Variants in PCDHGB1 observed in about 807,000 individuals in gnomAD.
PCDHGB1 encodes protocadherin gamma-B1.
PCDHGB1 carries 34 observed loss-of-function variants against 56.6 expected under a neutral mutation model. That is an observed-to-expected ratio of 0.60 (90% CI 0.46 to 0.80). PCDHGB1 has a LOEUF of 0.80. Ranked by LOEUF, PCDHGB1 falls within the 30% of genes least tolerant of loss-of-function variation. The probability of loss-of-function intolerance (pLI) is 0.00; values close to 1 mark genes in which losing one functional copy is unlikely to be tolerated. For synonymous variants in PCDHGB1, 561 were observed against 505.9 expected (o/e 1.11, Z -1.46); for missense variants, 1,278 against 1,204.6 (o/e 1.06, Z -0.90).
intron 1 of PCDHGB1, chr5:141,441,697 C>T: frequency 6.5e-6 from 2 of 307,306 alleles, no homozygotes; most frequent in Non-Finnish European, 1.3e-5. Flanking sequence ...CAGCCGCGAG[C>T]CTTCAAGCTC....
At chr5:141,408,889 A>T in intron 1 of PCDHGB1, 3 of 1,613,232 alleles carry the variant, frequency 1.9e-6, no homozygotes, top group Non-Finnish European at 2.5e-6. Flanking sequence ...CTCACATAGA[A>T]ATTTCTGTCA....
At chr5:141,380,936 C>G (rs905887369) in intron 1 of PCDHGB1, among the ~76,000 whole-genome samples, 1 of 152,194 alleles carries the variant, frequency 6.6e-6, no homozygotes, top group African/African-American at 2.4e-5. Flanking sequence ...ATACACTTTG[C>G]TTGCCTCAAC....
chr5:141,355,035 T>C, intron 1 of PCDHGB1: 1 of 1,012,274 alleles, frequency 9.9e-7, no homozygotes, highest in Non-Finnish European at 1.4e-6. Flanking sequence ...TCACAAGATT[T>C]CTGCAGCACA....
rs1403163275 is a variant in PCDHGB1 at position 141,441,708 on chromosome 5, A to T, written c.2410-53099A>T. ...AGAGCAGCCGCGAGCCTTCAAGCTC[A>T]CGCTGCAGGCCCGCGACCAGGACTA... On this transcript the variant is annotated intron_variant, in intron 1 of 3. Coordinates refer to ENST00000523390, the MANE Select transcript of PCDHGB1 (RefSeq NM_018922.3). 2.8e-5 allele frequency: 9 copies of T among 319,492 alleles called. No homozygotes were observed. In the East Asian group the frequency reaches 1.0e-3, roughly 37 times the overall value. 19.8% of individuals were successfully genotyped at this position (319,492 alleles called of 1,614,324 possible).
chr5:141,409,087 T>C (rs753624565), intron 1 of PCDHGB1: 1 of 1,613,990 alleles, frequency 6.2e-7, no homozygotes, highest in Admixed American at 1.7e-5. Flanking sequence ...TCTCATTGGA[T>C]GAGAAAACAG....
chr5:141,410,849 C>G, intron 1 of PCDHGB1: 1 of 136,716 alleles, frequency 7.3e-6, no homozygotes, highest in Non-Finnish European at 1.2e-5. Flanking sequence ...TTGTCTTTGT[C>G]TTTTTTTTTT....
chr5:141,422,928 C>T lies in PCDHGB1; in HGVS notation c.2409+70259C>T, dbSNP rs781145334. 4 of 1,614,128 alleles carry T rather than the reference C, an allele frequency of 2.5e-6. No individual in the cohort carries two copies. In the African/African-American group the frequency reaches 4.0e-5, roughly 16 times the overall value. On this transcript the variant is annotated intron_variant, in intron 1 of 3. Transcript: ENST00000523390. ...ATGCGCCCGAGATCCTGTACCCTGC[C>T]CTCCCCACAGACGGCTCCACTGGCG...
At chr5:141,418,800 G>A in intron 1 of PCDHGB1, 1 of 1,613,800 alleles carries the variant, frequency 6.2e-7, no homozygotes, top group African/African-American at 1.3e-5. Context: ...GAAGTAGAAA[G>A]ATATACGATA....
chr5:141,428,056 C>T (rs2097104330), intron 1 of PCDHGB1: 3 of 1,609,000 alleles, frequency 1.9e-6, no homozygotes, highest in African/African-American at 1.3e-5. Flanking sequence ...AAGGTGGTGG[C>T]GGTGGACGCA....
At position 141,410,285 on chromosome 5, in the gene PCDHGB1, G is replaced by T. The variant is rs746596172; in HGVS notation, c.2409+57616G>T. 7 of 1,614,010 alleles carry T rather than the reference G, an allele frequency of 4.3e-6. No homozygotes were observed. The Admixed American group carries it at 1.2e-4, about 27-fold the overall frequency. ...TGAACTGCAGTTTTACCTGGTGGTGGCCTTGGCCTTAATCTCAGTGCTCTT... is the reference window on the plus strand; with the variant it reads ...TGAACTGCAGTTTTACCTGGTGGTGTCCTTGGCCTTAATCTCAGTGCTCTT... On this transcript the variant is annotated intron_variant, in intron 1 of 3. Coordinates refer to ENST00000523390, the MANE Select transcript of PCDHGB1 (RefSeq NM_018922.3).
intron 1 of PCDHGB1, chr5:141,404,042 A>G: frequency 3.1e-6 from 5 of 1,613,892 alleles, no homozygotes; most frequent in Non-Finnish European, 4.2e-6. Context: ...ACCTCAGGGA[A>G]CAGTAATTCT....
At chr5:141,369,758 C>T (rs1027847213) in intron 1 of PCDHGB1, among the ~76,000 whole-genome samples, 1 of 152,184 alleles carries the variant, frequency 6.6e-6, no homozygotes, top group African/African-American at 2.4e-5. Context: ...TAAGAATACA[C>T]GTGAAGCTGA....
At chr5:141,506,863 G>A (rs1162975959) in intron 3 of PCDHGB1, among the ~76,000 whole-genome samples, 1 of 152,120 alleles carries the variant, frequency 6.6e-6, no homozygotes, top group Non-Finnish European at 1.5e-5. Context: ...GAGGACTGGT[G>A]GGTAGAGAAC....
At chr5:141,384,941 C>G in intron 1 of PCDHGB1, 1 of 1,614,104 alleles carries the variant, frequency 6.2e-7, no homozygotes, top group Non-Finnish European at 8.5e-7. Context: ...CTTGAGCCCT[C>G]CGACGGTCCT....
At chr5:141,464,580 G>A (rs1459502164) in intron 1 of PCDHGB1, among the ~76,000 whole-genome samples, 1 of 152,118 alleles carries the variant, frequency 6.6e-6, no homozygotes, top group East Asian at 1.9e-4. Context: ...AGATGAGAAT[G>A]TCCATTGTCC....
rs779298744 is a variant in PCDHGB1, at chr5:141,350,416, G to A, written c.156G>A (p.Leu52=). ...GGGTGGGGAAACTTGCCAAGGATCTGGGGCTCAGTGTCCGGGAGTTGCCAA... is the reference window on the plus strand; with the variant it reads ...GGGTGGGGAAACTTGCCAAGGATCTAGGGCTCAGTGTCCGGGAGTTGCCAA... ...GSRVGKLAKD[L]GLSVRELPTR... is the part of the protein sequence containing the mutation. Residue 52 remains leucine, a synonymous_variant, in exon 1 of 4, where the codon CTG becomes CTA. Transcript: ENST00000523390. The A allele has an allele frequency of 2.3e-5, 37 of 1,606,260 alleles. No individual in the cohort carries two copies. Among genetic ancestry groups the A allele is most frequent in the Non-Finnish European group, 2.6e-5 (30 of 1,174,060 alleles).
intron 1 of PCDHGB1, chr5:141,426,612 G>A (rs2096947310): frequency 2.6e-6 from 1 of 384,602 alleles, no homozygotes; most frequent in Non-Finnish European, 5.3e-6. Flanking sequence ...GATTGTAGCA[G>A]AGAATCCTCT....
In PCDHGB1 at chr5:141,491,443, G is replaced by C. The variant is rs955584868; in HGVS notation, c.2410-3364G>C. On this transcript the variant is annotated intron_variant, in intron 1 of 3. Transcript: ENST00000523390. This position sits in a 1 kb window ranked among gnomAD's most constrained non-coding sequence, Gnocchi z 6.9. ...TGGAGGGCAGTGCTGCAGGCGCCAG[G>C]ACTCACCCTCCCCGGACTTCTATAA... 1 of 1,613,998 alleles carries C rather than the reference G, an allele frequency of 6.2e-7. No homozygotes were observed. Among genetic ancestry groups the C allele is most frequent in the Admixed American group, 1.7e-5 (1 of 60,000 alleles).
chr5:141,382,992 T>G, intron 1 of PCDHGB1: 2 of 1,613,578 alleles, frequency 1.2e-6, no homozygotes, highest in Non-Finnish European at 1.7e-6. Context: ...CAGGACGTAT[T>G]CTCTACTCCG....
Sources: gnomAD v4.1 joint callset for allele counts (sites outside exome capture counted in the v4.1 genomes callset) on GRCh38, gnomAD v4.1.1 for gene constraint, Gnocchi (gnomAD v3.1) non-coding constraint, MANE v1.5 for transcripts, NCBI Gene and HGNC (gene_info 2026-07-23, HGNC 2026-07-21) for gene names.